The following MKI67 variants were observed in gnomAD, a reference collection of about 807,000 sequenced individuals.
MKI67 encodes marker of proliferation Ki-67, also known as proliferation marker protein Ki-67.
A neutral mutation model predicts 233.5 loss-of-function variants in MKI67; 152 were observed. The ratio of observed to expected loss-of-function variants is 0.65; its 90% CI spans 0.57 to 0.74. The LOEUF (loss-of-function observed/expected upper bound fraction) is 0.74, where lower values mean the gene tolerates loss of function less well. Ranked by LOEUF, MKI67 falls within the 30% of genes least tolerant of loss-of-function variation. The probability of loss-of-function intolerance (pLI) is 0.00; values close to 1 mark genes in which losing one functional copy is unlikely to be tolerated. For missense variants in MKI67, 3,940 were observed against 3,885.2 expected (o/e 1.01, Z -0.37); for synonymous variants, 1,465 against 1,418.5 (o/e 1.03, Z -0.74).
chr10:128,112,777 G>T (rs1461085393), intron 8 of MKI67, among the ~76,000 whole-genome samples: 1 of 152,172 alleles, frequency 6.6e-6, no homozygotes, highest in Non-Finnish European at 1.5e-5. Context: ...CATGGAGGGA[G>T]GACTGCTTGC....
rs142164813 is a variant in MKI67, at chr10:128,103,057, G to C, written c.8783C>G (p.Pro2928Arg). 154 of 1,614,114 alleles carry C rather than the reference G, an allele frequency of 9.5e-5. No homozygotes were observed. The highest frequency in any genetic ancestry group is 1.2e-4 in the Non-Finnish European group (143 of 1,180,060). The stretch of plus-strand genomic sequence containing the variant: ...ATTTGCCAGTTCCTCAGTGTGGCCT[G>C]GTGTTTGAGAGAGCTCTTGGAAGCT... Reference protein sequence around the residue: ...LASFQELSQTPGHTEELANGA... With the variant: ...LASFQELSQTRGHTEELANGA... Residue 2928 changes from proline (P) to arginine (R), a missense_variant, in exon 13 of 15, where the codon CCA becomes CGA. Physicochemically the swap from Pro to Arg is moderately radical, Grantham distance 103. Coordinates refer to ENST00000368654, the MANE Select transcript of MKI67 (RefSeq NM_002417.5).
Position 128,125,566 on chromosome 10 carries a change from C to T in MKI67, c.92+10G>A, listed in dbSNP as rs745383321. 6.2e-6 allele frequency: 10 copies of T among 1,611,044 alleles called. No homozygotes were observed. In the Middle Eastern group the frequency reaches 5.8e-4, roughly 94 times the overall value. On this transcript the variant is annotated intron_variant, in intron 2 of 14. Coordinates refer to ENST00000368654, the MANE Select transcript of MKI67 (RefSeq NM_002417.5). The surrounding 1 kb of genome is among the most constrained non-coding windows in gnomAD (Gnocchi z 5.3). ...CAGCTAAAACGTCCGCGCGCGCCCG[C>T]GGGGCTCACCTTCCAAACAAGCAGG...
rs776071707 is a variant in MKI67 at position 128,107,944 on chromosome 10, G to C, written c.3896C>G (p.Pro1299Arg). The C allele has an allele frequency of 3.7e-6, 6 of 1,613,598 alleles. No individual in the cohort carries two copies. The highest frequency in any genetic ancestry group is 3.3e-5 in the Admixed American group (2 of 59,944). ...TTTCTCTTCACCTACTGATGGTTTA[G>C]GCGTGTGCATGGCTTTGCCTGCTGA... ...MPSAGKAMHT[P>R]KPSVGEEKDI... is the part of the protein sequence containing the mutation. Residue 1299 changes from proline to arginine, a missense_variant, in exon 13 of 15, where the codon CCT becomes CGT. Coordinates refer to ENST00000368654, the MANE Select transcript of MKI67 (RefSeq NM_002417.5).
rs1852692684 is a variant in MKI67, at chr10:128,112,133, C to A, written c.1969G>T (p.Val657Phe). The A allele has an allele frequency of 6.2e-7, 1 of 1,613,150 alleles. No individual in the cohort carries two copies. The highest frequency in any genetic ancestry group is 8.5e-7 in the Non-Finnish European group (1 of 1,179,232). Residue 657 changes from valine to phenylalanine, a missense_variant and splice_region_variant, in exon 9 of 15, where the codon GTT (valine) becomes TTT (phenylalanine). Physicochemically the swap from Val to Phe is conservative, Grantham distance 50. Coordinates refer to ENST00000368654, the MANE Select transcript of MKI67 (RefSeq NM_002417.5). Reference protein sequence around the residue: ...RSGASEANLIVAKSWADVVKL... With the variant: ...RSGASEANLIFAKSWADVVKL... ...ATATGTATTCTAATGTCAGACTAACCAATCAGATTTGCTTCCGAAGCACCA... is the reference window on the plus strand; with the variant it reads ...ATATGTATTCTAATGTCAGACTAACAAATCAGATTTGCTTCCGAAGCACCA...
chr10:128,103,942 T>C lies in MKI67; in HGVS notation c.7898A>G (p.His2633Arg), dbSNP rs199772189. Reference protein sequence around the residue: ...TQTSGQSTHTHKEPASGDEGI... With the variant: ...TQTSGQSTHTRKEPASGDEGI... ...CTCATCACCGCTTGCTGGTTCTTTGTGTGTGTGTGTGCTTTGCCCTGATGT... is the reference window on the plus strand; with the variant it reads ...CTCATCACCGCTTGCTGGTTCTTTGCGTGTGTGTGTGCTTTGCCCTGATGT... Residue 2633 changes from histidine (H) to arginine (R), a missense_variant, in exon 13 of 15, where the codon CAC (histidine) becomes CGC (arginine). Coordinates refer to ENST00000368654, the MANE Select transcript of MKI67 (RefSeq NM_002417.5). The C allele has an allele frequency of 1.5e-4, 250 of 1,613,832 alleles. No individual in the cohort carries two copies. Among genetic ancestry groups the C allele is most frequent in the Admixed American group, 1.0e-4 (6 of 59,976 alleles).
chr10:128,115,312 G>C lies in MKI67; in HGVS notation c.1096C>G (p.Leu366Val). 1 of 1,614,122 alleles carries C rather than the reference G, an allele frequency of 6.2e-7. No homozygotes were observed. The highest frequency in any genetic ancestry group is 8.5e-7 in the Non-Finnish European group (1 of 1,180,032). Reference protein sequence around the residue: ...NSPQKHKNKDLYTTGRRESVN... With the variant: ...NSPQKHKNKDVYTTGRRESVN... ...GATTCTCTTCTACCAGTAGTATACA[G>C]GTCTTTGTTCTTATGTTTTTGTGGA... The change falls in exon 7 of 15, where the codon CTG becomes GTG. Residue 366 changes from leucine (L) to valine (V), a missense_variant. Coordinates refer to ENST00000368654, the MANE Select transcript of MKI67 (RefSeq NM_002417.5).
In MKI67 at chr10:128,106,012, G is replaced by A. The variant is rs1340910222; in HGVS notation, c.5828C>T (p.Thr1943Ile). 1 of 1,614,194 alleles carries A rather than the reference G, an allele frequency of 6.2e-7. No homozygotes were observed. Among genetic ancestry groups the A allele is most frequent in the Non-Finnish European group, 8.5e-7 (1 of 1,180,024 alleles). The change falls in exon 13 of 15, where the codon ACT (threonine) becomes ATT (isoleucine). Residue 1943 changes from threonine (T) to isoleucine (I), a missense_variant. Thr to Ile is a moderately conservative substitution (Grantham distance 89, BLOSUM62 -1). Transcript: ENST00000368654. ...TAGAGCCTTGGCCTTTTCTTTAGGA[G>A]TTTGTGGCCGTCTCTTGCTGCCAGG... ...NLPGSKRRPQ[T>I]PKEKAKALED...
chr10:128,101,254 T>A lies in MKI67; in HGVS notation c.9705+4A>T. On this transcript the variant is annotated splice_donor_region_variant and intron_variant, in intron 14 of 14. Transcript: ENST00000368654. ...TTAAAACAGGGAAACAGTAAATGGC[T>A]TACCTTCTTTGGATTTTCTGCACAC... 1 of 1,607,014 alleles carries A rather than the reference T, an allele frequency of 6.2e-7. No individual in the cohort carries two copies. Among genetic ancestry groups the A allele is most frequent in the Non-Finnish European group, 8.5e-7 (1 of 1,174,316 alleles).
At chr10:128,109,546 G>A (rs766502161) in intron 12 of MKI67, 123 bp from the exon 13 acceptor site, 21 of 1,017,080 alleles carry the variant, frequency 2.1e-5, no homozygotes, top group Non-Finnish European at 2.8e-5. Context: ...AACGACATGA[G>A]GCTACTTATG....
chr10:128,101,316 C>T lies in MKI67; in HGVS notation c.9647G>A (p.Ser3216Asn). ...KSQPAASTLESKSVQRVTRSV... is the reference protein window; with the variant it reads ...KSQPAASTLENKSVQRVTRSV... ...CCGCGTTACTCTCTGCACAGATTTG[C>T]TCTCCAAAGTGCTTGCTGCAGGCTG... The change falls in exon 14 of 15, where the codon AGC becomes AAC. Residue 3216 changes from serine to asparagine, a missense_variant. By Grantham distance (46) the Ser-to-Asn change is conservative. Coordinates refer to ENST00000368654, the MANE Select transcript of MKI67 (RefSeq NM_002417.5). 6.2e-7 allele frequency: 1 copy of T among 1,614,184 alleles called. No homozygotes were observed. The highest frequency in any genetic ancestry group is 8.5e-7 in the Non-Finnish European group (1 of 1,180,006).
chr10:128,100,380 T>C (rs771902535), intron 14 of MKI67, among the ~76,000 whole-genome samples: 1 of 151,888 alleles, frequency 6.6e-6, no homozygotes, highest in Non-Finnish European at 1.5e-5. Context: ...TTCTTGGCAG[T>C]TGAAGCTTCC....
chr10:128,101,913 A>G (rs1362019466), intron 13 of MKI67, among the ~76,000 whole-genome samples: 2 of 152,232 alleles, frequency 1.3e-5, no homozygotes, highest in Non-Finnish European at 2.9e-5. Flanking sequence ...CTGCTGACAA[A>G]TTATAAATAA....
chr10:128,114,806 G>A (rs892123391), intron 7 of MKI67, 122 bp downstream of exon 7: 18 of 975,140 alleles, frequency 1.8e-5, no homozygotes, highest in Non-Finnish European at 2.4e-5. Flanking sequence ...TCTTATCCCT[G>A]TGCCTTATGT....
At chr10:128,110,599 C>T in intron 11 of MKI67, 66 bp from the exon 12 acceptor site, 7 of 1,317,654 alleles carry the variant, frequency 5.3e-6, no homozygotes, top group Non-Finnish European at 6.3e-6. Flanking sequence ...CATCCCAGCC[C>T]TCACATGTAA....
intron 4 of MKI67, among the ~76,000 whole-genome samples, 187 bp from the exon 5 acceptor site, chr10:128,119,506 A>G (rs1852885738): frequency 1.3e-5 from 2 of 152,368 alleles, no homozygotes; most frequent in Non-Finnish European, 1.5e-5. Flanking sequence ...GATTAGTTGC[A>G]TCGAGTTTGT....
Position 128,110,435 on chromosome 10 carries a change from G to C in MKI67, c.2359C>G (p.Gln787Glu). Residue 787 changes from glutamine to glutamate, a missense_variant, in exon 12 of 15, where the codon CAG becomes GAG. Coordinates refer to ENST00000368654, the MANE Select transcript of MKI67 (RefSeq NM_002417.5). Reference protein sequence around the residue: ...ISNSENLLGKQFQGTDSGEEP... With the variant: ...ISNSENLLGKEFQGTDSGEEP... ...TCTCCTGAATCAGTTCCTTGAAACT[G>C]TTTTCCAAGCAAATTCTCTGAATTT... 1 of 1,589,994 alleles carries C rather than the reference G, an allele frequency of 6.3e-7. No homozygotes were observed. The highest frequency in any genetic ancestry group is 1.7e-4 in the Middle Eastern group (1 of 5,996).
Position 128,125,682 on chromosome 10 carries a change from G to T in MKI67, c.-15C>A, listed in dbSNP as rs368473786. 23 of 1,610,046 alleles carry T rather than the reference G, an allele frequency of 1.4e-5. No individual in the cohort carries two copies. In the Admixed American group the frequency reaches 2.5e-4, roughly 17 times the overall value. The stretch of plus-strand genomic sequence containing the variant: ...GTGGGCCACATTTTCTAAACAGTAA[G>T]TTGAGTATAATCCGTAGGGGAAGGC... On this transcript the variant is annotated 5_prime_UTR_variant, in exon 2 of 15. Coordinates refer to ENST00000368654, the MANE Select transcript of MKI67 (RefSeq NM_002417.5). This position sits in a 1 kb window ranked among gnomAD's most constrained non-coding sequence, Gnocchi z 5.3.
At chr10:128,114,702 A>G (rs918796243) in intron 7 of MKI67, among the ~76,000 whole-genome samples, 8 of 152,160 alleles carry the variant, frequency 5.3e-5, no homozygotes, top group Admixed American at 5.2e-4. Context: ...CTGCTTCATG[A>G]TTGCCTGACA....
At chr10:128,120,316 C>T (rs922858335) in intron 4 of MKI67, among the ~76,000 whole-genome samples, 12 of 152,084 alleles carry the variant, frequency 7.9e-5, no homozygotes, top group Non-Finnish European at 1.3e-4. Flanking sequence ...CATGGTGAAA[C>T]GCCGTCTCTA....
Sources: gnomAD v4.1 joint callset for allele counts (sites outside exome capture counted in the v4.1 genomes callset) on GRCh38, gnomAD v4.1.1 for gene constraint, Gnocchi (gnomAD v3.1) non-coding constraint, MANE v1.5 for transcripts, NCBI Gene and HGNC (gene_info 2026-07-23, HGNC 2026-07-21) for gene names.